The following NAA16 variants were observed in gnomAD, a reference collection of about 807,000 sequenced individuals.
The protein encoded by NAA16 is NARG1-like protein.
Under a neutral mutation model 110.3 loss-of-function variants are expected in NAA16, and 97 were observed. The observed-to-expected ratio is 0.88, with a 90% CI of 0.75 to 1.04. NAA16 has a LOEUF of 1.04. Among genes scored for constraint, NAA16 ranks in the 50% least tolerant of loss-of-function variants. The probability of loss-of-function intolerance (pLI) is 0.00; values close to 1 mark genes in which losing one functional copy is unlikely to be tolerated. For missense variants in NAA16, 1,017 were observed against 1,005.1 expected (o/e 1.01, Z -0.16); for synonymous variants, 372 against 330.6 (o/e 1.13, Z -1.36).
intron 8 of NAA16, among the ~76,000 whole-genome samples, chr13:41,331,792 C>G (rs1162055620): frequency 6.6e-6 from 1 of 152,028 alleles, no homozygotes; most frequent in South Asian, 2.1e-4. Context: ...AAAGAGAGGA[C>G]TTGAAATGTT....
chr13:41,372,122 CAT>C (rs1363205258), intron 15 of NAA16, 79 bp from the exon 16 acceptor site: 7 of 1,144,394 alleles, frequency 6.1e-6, no homozygotes, highest in African/African-American at 1.6e-5. Flanking sequence ...TTACTTTAGA[CAT>C]ATGTTAATAT....
chr13:41,311,623 G>T (rs1324102816), intron 1 of NAA16, 41 bp downstream of exon 1: 1 of 1,578,706 alleles, frequency 6.3e-7, no homozygotes, highest in Admixed American at 1.8e-5. Flanking sequence ...CCGGTCCCCG[G>T]GTCCTCGGGC....
At chr13:41,352,083 T>C (rs2042850633) in intron 9 of NAA16, among the ~76,000 whole-genome samples, 1 of 152,186 alleles carries the variant, frequency 6.6e-6, no homozygotes, top group Non-Finnish European at 1.5e-5. Flanking sequence ...GGCTCATGCG[T>C]GTAATCCTAG....
rs748691117 is a variant in NAA16 at position 41,336,635 on chromosome 13, C to T, written c.908-15C>T. 64 of 1,412,614 alleles carry T rather than the reference C, an allele frequency of 4.5e-5. No individual in the cohort carries two copies. The South Asian group carries it at 6.9e-4, about 15-fold the overall frequency. The allele number at this position is 1,412,614 out of a possible 1,614,324, so 87.5% of individuals were successfully genotyped here. A position where few individuals can be genotyped will look rare whatever the true frequency, so the allele number is the denominator to read the frequency against. The stretch of plus-strand genomic sequence containing the variant: ...GCGTGAACCAAAGAATAACAAAGTA[C>T]GCTTTTGTTTCTAGGTGAAAGATTT... On this transcript the variant is annotated splice_polypyrimidine_tract_variant and intron_variant, in intron 8 of 19. Transcript: ENST00000379406.
intron 9 of NAA16, among the ~76,000 whole-genome samples, chr13:41,351,976 T>C (rs1223968871): frequency 2.6e-5 from 4 of 152,254 alleles, no homozygotes; most frequent in East Asian, 1.9e-4. Flanking sequence ...ATAAGTCTTA[T>C]ACTTGAGTAA....
chr13:41,359,091 TA>T (rs5803087), intron 12 of NAA16, 129 bp downstream of exon 12: 727,454 of 778,046 alleles, frequency 0.93, 341,285 homozygotes, highest in South Asian at 0.99. Context: ...TATTGTTTTT[TA>T]AAATCCCATT....
At position 41,325,684 on chromosome 13, in the gene NAA16, T is replaced by C; in HGVS notation, c.538-14T>C. ...TAATTATACAAATAAAGTAATTTGGTCATTTTTTTTCAGGTTCCTCCAAAC... is the reference window on the plus strand; with the variant it reads ...TAATTATACAAATAAAGTAATTTGGCCATTTTTTTTCAGGTTCCTCCAAAC... On this transcript the variant is annotated splice_polypyrimidine_tract_variant and intron_variant, in intron 5 of 19. Transcript: ENST00000379406. 2.0e-6 allele frequency: 3 copies of C among 1,522,826 alleles called. No individual in the cohort carries two copies. The highest frequency in any genetic ancestry group is 2.7e-6 in the Non-Finnish European group (3 of 1,117,864). 94.3% of individuals were successfully genotyped at this position (1,522,826 alleles called of 1,614,324 possible).
chr13:41,358,693 A>T, intron 11 of NAA16, 117 bp from the exon 12 acceptor site: 1 of 1,444,272 alleles, frequency 6.9e-7, no homozygotes, highest in Non-Finnish European at 9.1e-7. Flanking sequence ...TGATTTCTAA[A>T]TAAATTTGAC....
intron 13 of NAA16, among the ~76,000 whole-genome samples, chr13:41,365,368 G>A (rs2043188557): frequency 6.6e-6 from 1 of 152,082 alleles, no homozygotes; most frequent in Non-Finnish European, 1.5e-5. Flanking sequence ...TATGTAGGCT[G>A]TAACCTTCGG....
intron 1 of NAA16, 124 bp downstream of exon 1, chr13:41,311,706 AC>A: frequency 3.3e-6 from 3 of 897,534 alleles, no homozygotes; most frequent in Non-Finnish European, 5.1e-6. Flanking sequence ...CTCTTTGTTT[AC>A]CTCGGAGGTC....
Position 41,369,205 on chromosome 13 carries a change from T to G in NAA16, c.1869T>G (p.Asn623Lys), listed in dbSNP as rs1157583147. 3.8e-6 allele frequency: 6 copies of G among 1,594,896 alleles called. No homozygotes were observed. The highest frequency in any genetic ancestry group is 5.1e-6 in the Non-Finnish European group (6 of 1,172,788). ...CAGAAAGAGAACGTCAACAGAAAAA[T>G]CAAAAGAAAAAAAGAGATGAAGAAG... ...KHAERERQQK[N>K]QKKKRDEEEE... is the part of the protein sequence containing the mutation. Residue 623 changes from asparagine to lysine, a missense_variant, in exon 15 of 20, where the codon AAT (asparagine) becomes AAG (lysine). Physicochemically the swap from Asn to Lys is moderately conservative, Grantham distance 94. Transcript: ENST00000379406.
intron 1 of NAA16, among the ~76,000 whole-genome samples, chr13:41,313,780 C>T (rs2041724916): frequency 6.6e-6 from 1 of 151,852 alleles, no homozygotes; most frequent in Non-Finnish European, 1.5e-5. Flanking sequence ...GGCTAAGGTT[C>T]TCTGTCTGGT....
intron 2 of NAA16, among the ~76,000 whole-genome samples, chr13:41,317,327 GTGTTT>G (rs1005268291): frequency 4.0e-5 from 6 of 151,664 alleles, no homozygotes; most frequent in Admixed American, 6.5e-5. Context: ...TTTGGTAGAT[GTGTTT>G]TGTTTTGTTT....
chr13:41,336,794 T>C, intron 9 of NAA16, 38 bp downstream of exon 9: 1 of 1,206,314 alleles, frequency 8.3e-7, no homozygotes, highest in Non-Finnish European at 1.2e-6. Flanking sequence ...CTATAGTCTT[T>C]TTTACTAAAC....
chr13:41,328,908 G>T, intron 7 of NAA16, 65 bp downstream of exon 7: 1 of 1,353,592 alleles, frequency 7.4e-7, no homozygotes, highest in Non-Finnish European at 1.0e-6. Context: ...ATGTAAAGTT[G>T]TAATAATACT....
chr13:41,323,385 C>G (rs2041998190), intron 5 of NAA16, among the ~76,000 whole-genome samples, 195 bp downstream of exon 5: 1 of 150,648 alleles, frequency 6.6e-6, no homozygotes, highest in East Asian at 1.9e-4. Context: ...GAGTCTCGCT[C>G]TGTCCCCCAG....
At chr13:41,324,154 G>T (rs931828833) in intron 5 of NAA16, among the ~76,000 whole-genome samples, 1 of 151,950 alleles carries the variant, frequency 6.6e-6, no homozygotes, top group East Asian at 1.9e-4. Context: ...AAACTTTGTA[G>T]TAAGGCCACC....
intron 13 of NAA16, among the ~76,000 whole-genome samples, chr13:41,364,890 C>T (rs2043180431): frequency 6.6e-6 from 1 of 152,032 alleles, no homozygotes; most frequent in Admixed American, 6.5e-5. Context: ...TCTGTATAAG[C>T]TCTTACTAGT....
intron 8 of NAA16, among the ~76,000 whole-genome samples, chr13:41,333,906 A>G (rs772120263): frequency 5.9e-5 from 9 of 151,970 alleles, no homozygotes; most frequent in Non-Finnish European, 1.0e-4. Context: ...TCTCTAGGAC[A>G]TGCTGTCTTT....
Sources: gnomAD v4.1 joint callset for allele counts (sites outside exome capture counted in the v4.1 genomes callset) on GRCh38, gnomAD v4.1.1 for gene constraint, MANE v1.5 for transcripts, NCBI Gene and HGNC (gene_info 2026-07-23, HGNC 2026-07-21) for gene names.